Variants in ZSWIM5 observed in about 807,000 individuals in gnomAD.
The protein encoded by ZSWIM5 is zinc finger SWIM-type containing 5.
In ZSWIM5, 55 loss-of-function variants were observed where a neutral mutation model predicts 119.6. The ratio of observed to expected loss-of-function variants is 0.46; its 90% CI spans 0.37 to 0.58. The LOEUF (loss-of-function observed/expected upper bound fraction) is 0.58, where lower values mean the gene tolerates loss of function less well. Ranked by LOEUF, ZSWIM5 falls within the 20% of genes least tolerant of loss-of-function variation. ZSWIM5 has a pLI of 0.00. For missense variants in ZSWIM5, 1,193 were observed against 1,512.8 expected, an observed-to-expected ratio of 0.79 and a Z score of 3.51; for synonymous variants, 537 against 606.9, an observed-to-expected ratio of 0.88 and a Z score of 1.69.
intron 8 of ZSWIM5, among the ~76,000 whole-genome samples, chr1:45,038,417 A>G (rs1644998405): frequency 6.6e-6 from 1 of 152,016 alleles, no homozygotes; most frequent in Admixed American, 6.6e-5. Flanking sequence ...TAAAAGGAAC[A>G]AGGAAGGCTG....
chr1:45,168,358 C>T (rs1323307480), intron 1 of ZSWIM5, among the ~76,000 whole-genome samples: 1 of 151,896 alleles, frequency 6.6e-6, no homozygotes, highest in Non-Finnish European at 1.5e-5. Context: ...GGAGGGATAA[C>T]ATTAGGAGAT....
chr1:45,183,336 G>C (rs1375211129), intron 1 of ZSWIM5, among the ~76,000 whole-genome samples: 1 of 151,760 alleles, frequency 6.6e-6, no homozygotes, highest in African/African-American at 2.4e-5. Context: ...ACAATTAAAA[G>C]AACTAGAAAA....
In ZSWIM5 at chr1:45,072,619, TA is replaced by T. The variant is rs1645228645; in HGVS notation, c.953-12373del. ...TTGTATATGGCTAGAGATAGGGGTCTAGTTTCATTTCTTCTGCATATGGATA... is the reference window on the plus strand; with the variant it reads ...TTGTATATGGCTAGAGATAGGGGTCTGTTTCATTTCTTCTGCATATGGATA... On this transcript the variant is annotated intron_variant, in intron 2 of 13. Transcript: ENST00000359600. This position sits in a 1 kb window ranked among gnomAD's most constrained non-coding sequence, Gnocchi z 4.1. 1.3e-5 allele frequency among the ~76,000 whole-genome samples: 2 copies of T among 152,052 alleles called. No individual in the cohort carries two copies. Among genetic ancestry groups the T allele is most frequent in the Admixed American group, 6.5e-5 (1 of 15,288 alleles).
intron 1 of ZSWIM5, among the ~76,000 whole-genome samples, chr1:45,188,040 G>A (rs1324451117): frequency 6.6e-6 from 1 of 152,200 alleles, no homozygotes; most frequent in Admixed American, 6.5e-5. Context: ...TAGTTTGGCA[G>A]TTCCTCAAAA....
chr1:45,093,868 G>A (rs1249696480), intron 1 of ZSWIM5, among the ~76,000 whole-genome samples: 16 of 139,266 alleles, frequency 1.1e-4, no homozygotes, highest in Non-Finnish European at 1.7e-4. Flanking sequence ...TTTTGAGACA[G>A]GGTCTTGCTC....
chr1:45,177,172 G>A (rs1645985891), intron 1 of ZSWIM5, among the ~76,000 whole-genome samples: 1 of 152,014 alleles, frequency 6.6e-6, no homozygotes, highest in African/African-American at 2.4e-5. Context: ...TTTCTAAAAC[G>A]TATGCAGAAA....
intron 1 of ZSWIM5, among the ~76,000 whole-genome samples, chr1:45,151,774 G>A (rs1217140694): frequency 6.6e-6 from 1 of 152,086 alleles, no homozygotes; most frequent in African/African-American, 2.4e-5. Flanking sequence ...GCTTTACTGA[G>A]AAAAAATTGA....
chr1:45,205,690 G>C, intron 1 of ZSWIM5, 66 bp downstream of exon 1: 2 of 1,408,528 alleles, frequency 1.4e-6, no homozygotes, highest in Non-Finnish European at 9.4e-7. Flanking sequence ...CCCAGGGCTC[G>C]GGCCGAGAAG....
chr1:45,093,786 C>T (rs1645381462), intron 1 of ZSWIM5, among the ~76,000 whole-genome samples: 1 of 151,212 alleles, frequency 6.6e-6, no homozygotes, highest in Non-Finnish European at 1.5e-5. Flanking sequence ...CATTGCAAAC[C>T]TAACAGCCAT....
intron 1 of ZSWIM5, among the ~76,000 whole-genome samples, chr1:45,125,773 A>G (rs2149028918): frequency 6.6e-6 from 1 of 151,936 alleles, no homozygotes. Context: ...CACAAAAAAA[A>G]AAAAAAAGGA....
At chr1:45,074,741 A>T in intron 2 of ZSWIM5, among the ~76,000 whole-genome samples, 1 of 149,110 alleles carries the variant, frequency 6.7e-6, no homozygotes, top group Admixed American at 6.7e-5. Flanking sequence ...TTTATTATTT[A>T]TTTTCTTCTA....
chr1:45,128,225 C>T (rs1645632481), intron 1 of ZSWIM5, among the ~76,000 whole-genome samples: 1 of 152,130 alleles, frequency 6.6e-6, no homozygotes, highest in Non-Finnish European at 1.5e-5. Flanking sequence ...TTCTTTCTCT[C>T]TCTTTCTTTC....
At chr1:45,036,578 C>A (rs572509721) in intron 8 of ZSWIM5, among the ~76,000 whole-genome samples, 2 of 151,976 alleles carry the variant, frequency 1.3e-5, no homozygotes, top group Non-Finnish European at 2.9e-5. Context: ...TGGACTCAAA[C>A]TCCTGACCTC....
chr1:45,206,341 C>T lies in ZSWIM5; in HGVS notation c.10G>A (p.Gly4Arg). MAD[G>R]GEREELLSPS... is the part of the protein sequence containing the mutation. The stretch of plus-strand genomic sequence containing the variant: ...GAGAGCAGCTCCTCTCGCTCACCTC[C>T]GTCCGCCATTGCTGGGGACTGACTG... The change falls in exon 1 of 14, where the codon GGA (glycine) becomes AGA (arginine). Residue 4 changes from glycine to arginine, a missense_variant. By Grantham distance (125) the Gly-to-Arg change is moderately radical. Coordinates refer to ENST00000359600, the MANE Select transcript of ZSWIM5 (RefSeq NM_020883.2). 1.4e-6 allele frequency: 2 copies of T among 1,478,548 alleles called. No homozygotes were observed. Among genetic ancestry groups the T allele is most frequent in the Admixed American group, 2.3e-5 (1 of 44,372 alleles). 91.6% of individuals were successfully genotyped at this position (1,478,548 alleles called of 1,614,324 possible).
intron 5 of ZSWIM5, among the ~76,000 whole-genome samples, chr1:45,046,549 G>C (rs1645055437): frequency 6.6e-6 from 1 of 152,018 alleles, no homozygotes; most frequent in Admixed American, 6.6e-5. Flanking sequence ...ATCCTACTGA[G>C]ATGCCTGTTA....
At chr1:45,127,305 T>C (rs1288905575) in intron 1 of ZSWIM5, among the ~76,000 whole-genome samples, 1 of 152,158 alleles carries the variant, frequency 6.6e-6, no homozygotes, top group African/African-American at 2.4e-5. Context: ...GGAAAAGTAT[T>C]TGGACAAAAT....
rs1644864815 is a variant in ZSWIM5, at chr1:45,017,954, T to C, written c.*500A>G. ...CACTCTGCAAGGGAAACCTGAGAAATGGTTGTGAGTCTCCTCAGAAAATAA... is the reference window on the plus strand; with the variant it reads ...CACTCTGCAAGGGAAACCTGAGAAACGGTTGTGAGTCTCCTCAGAAAATAA... On this transcript the variant is annotated 3_prime_UTR_variant, in exon 14 of 14. Coordinates refer to ENST00000359600, the MANE Select transcript of ZSWIM5 (RefSeq NM_020883.2). The C allele has an allele frequency of 6.2e-6, 1 of 162,348 alleles. No individual in the cohort carries two copies. The highest frequency in any genetic ancestry group is 2.4e-5 in the African/African-American group (1 of 41,510). The allele number at this position is 162,348 out of a possible 1,614,324, so 10.1% of individuals were successfully genotyped here.
intron 1 of ZSWIM5, among the ~76,000 whole-genome samples, chr1:45,163,363 T>C (rs1645877266): frequency 6.6e-6 from 1 of 152,156 alleles, no homozygotes; most frequent in Non-Finnish European, 1.5e-5. Context: ...ACCACAAAGA[T>C]GGGCAGAAAC....
At chr1:45,152,136 G>A (rs1310313308) in intron 1 of ZSWIM5, among the ~76,000 whole-genome samples, 1 of 152,306 alleles carries the variant, frequency 6.6e-6, no homozygotes, top group East Asian at 1.9e-4. Flanking sequence ...AAAGACCAGT[G>A]AGAGGCAAGC....
Sources: gnomAD v4.1 joint callset for allele counts (sites outside exome capture counted in the v4.1 genomes callset) on GRCh38, gnomAD v4.1.1 for gene constraint, Gnocchi (gnomAD v3.1) non-coding constraint, MANE v1.5 for transcripts, NCBI Gene and HGNC (gene_info 2026-07-23, HGNC 2026-07-21) for gene names.